The following TACC2 variants were observed in gnomAD, a reference collection of about 807,000 sequenced individuals.
The protein encoded by TACC2 is transforming acidic coiled-coil containing protein 2.
A neutral mutation model predicts 227.3 loss-of-function variants in TACC2; 137 were observed. The observed-to-expected ratio is 0.60, with a 90% CI of 0.52 to 0.69. The LOEUF is 0.69. Among genes scored for constraint, TACC2 ranks in the 30% least tolerant of loss-of-function variants. TACC2 has a pLI of 0.00. For missense variants in TACC2, 3,470 were observed against 3,694.4 expected, an observed-to-expected ratio of 0.94 and a Z score of 1.57; for synonymous variants, 1,523 against 1,487.5, an observed-to-expected ratio of 1.02 and a Z score of -0.55.
At chr10:122,065,560 C>T (rs979525076) in intron 3 of TACC2, among the ~76,000 whole-genome samples, 1 of 151,988 alleles carries the variant, frequency 6.6e-6, no homozygotes, top group African/African-American at 2.4e-5. Context: ...CGTGTTCCAT[C>T]TGTACTTGAA....
intron 9 of TACC2, 97 bp downstream of exon 9, chr10:122,211,805 C>G: frequency 9.1e-7 from 1 of 1,104,780 alleles, no homozygotes; most frequent in Non-Finnish European, 1.3e-6. Flanking sequence ...ACTGCCCTAA[C>G]CTTGCCCCTG....
intron 7 of TACC2, among the ~76,000 whole-genome samples, chr10:122,158,457 ACT>A (rs2092627291): frequency 6.6e-6 from 1 of 152,166 alleles, no homozygotes; most frequent in Non-Finnish European, 1.5e-5. Flanking sequence ...ATCTGTGTTT[ACT>A]GACTTCTTTT....
rs746165255 is a variant in TACC2, at chr10:122,211,651, G to C, written c.7226G>C (p.Gly2409Ala). 25 of 1,604,940 alleles carry C rather than the reference G, an allele frequency of 1.6e-5. No individual in the cohort carries two copies. The highest frequency in any genetic ancestry group is 2.1e-5 in the Non-Finnish European group (25 of 1,176,572). Residue 2409 changes from glycine (G) to alanine (A), a missense_variant, in exon 9 of 23, where the codon GGA becomes GCA. Gly to Ala is a moderately conservative substitution (Grantham distance 60). This residue lies in a region of TACC2 where 593 missense variants were observed against 636.6 expected (regional missense o/e 0.93). Transcript: ENST00000369005. ...CCAGCCAGTGCTATGGAAGCCAATG[G>C]AGTGGACGGGGATGGGCTAAACAAG... is the stretch of plus-strand genomic sequence containing the variant. ...EIPASAMEANGVDGDGLNKPA... is the reference protein window; with the variant it reads ...EIPASAMEANAVDGDGLNKPA...
intron 3 of TACC2, among the ~76,000 whole-genome samples, chr10:122,071,946 T>C (rs965994321): frequency 1.4e-5 from 2 of 147,952 alleles, no homozygotes; most frequent in Non-Finnish European, 3.0e-5. Context: ...TTAATCCACA[T>C]CCGCATACAC....
Position 122,050,453 on chromosome 10 carries a change from C to G in TACC2, c.49C>G (p.Gln17Glu). Reference sequence around the variant, plus strand: ...CCTGGCTCAGAGGACTTTATCAGCTCAGACTCCAAGGTCCGCGCAGCCACC... The same window carrying G: ...CCTGGCTCAGAGGACTTTATCAGCTGAGACTCCAAGGTCCGCGCAGCCACC... ...TSDNQRTLSA[Q>E]TPRSAQPPGN... The change falls in exon 3 of 23, where the codon CAG (glutamine) becomes GAG (glutamate). Residue 17 changes from glutamine (Q) to glutamate (E), a missense_variant. Gln to Glu is a conservative substitution (Grantham distance 29, BLOSUM62 2). Around this residue, in one of 10 missense-constraint regions of TACC2, gnomAD observed 405 missense variants for 389.6 expected, o/e 1.04. Coordinates refer to ENST00000369005, the MANE Select transcript of TACC2 (RefSeq NM_206862.4). This position sits in a 1 kb window ranked among gnomAD's most constrained non-coding sequence, Gnocchi z 4.6. The G allele has an allele frequency of 6.2e-7, 1 of 1,613,988 alleles. No individual in the cohort carries two copies. The highest frequency in any genetic ancestry group is 8.5e-7 in the Non-Finnish European group (1 of 1,179,956).
At chr10:121,998,590 C>T (rs937520976) in intron 1 of TACC2, among the ~76,000 whole-genome samples, 1 of 152,102 alleles carries the variant, frequency 6.6e-6, no homozygotes, top group Non-Finnish European at 1.5e-5. Context: ...TGTTTAAAAT[C>T]GACACAGTGG....
intron 3 of TACC2, among the ~76,000 whole-genome samples, chr10:122,060,009 G>A (rs1339715702): frequency 1.3e-5 from 2 of 152,198 alleles, no homozygotes; most frequent in Non-Finnish European, 2.9e-5. Flanking sequence ...TAGATGGCCA[G>A]AGAAGGAGGT....
rs747341499 is a variant in TACC2 at position 122,254,139 on chromosome 10, G to A, written c.*83G>A. ...GCTGTTCCTCCAGTTCCATGGACAGGTTCTGTTTTCACTTTTTCGTATGCA... is the reference window on the plus strand; with the variant it reads ...GCTGTTCCTCCAGTTCCATGGACAGATTCTGTTTTCACTTTTTCGTATGCA... On this transcript the variant is annotated 3_prime_UTR_variant, in exon 23 of 23. Coordinates refer to ENST00000369005, the MANE Select transcript of TACC2 (RefSeq NM_206862.4). The A allele has an allele frequency of 7.5e-6, 9 of 1,200,182 alleles. No individual in the cohort carries two copies. The highest frequency in any genetic ancestry group is 1.0e-5 in the Non-Finnish European group (8 of 802,672). 74.3% of individuals were successfully genotyped at this position (1,200,182 alleles called of 1,614,324 possible).
At chr10:122,053,035 T>A (rs555115891) in intron 3 of TACC2, among the ~76,000 whole-genome samples, 5 of 152,336 alleles carry the variant, frequency 3.3e-5, no homozygotes, top group East Asian at 3.9e-4. Flanking sequence ...GCATTTTTTT[T>A]AAAACCTATT....
At position 122,050,651 on chromosome 10, in the gene TACC2, CT is replaced by C; in HGVS notation, c.146+103del. ...CCCCATTTGCTTTGGAAACTGGACC[CT>C]TAGACACATGGTATCGTCCTCAGTG... On this transcript the variant is annotated intron_variant, in intron 3 of 22. Coordinates refer to ENST00000369005, the MANE Select transcript of TACC2 (RefSeq NM_206862.4). This position sits in a 1 kb window ranked among gnomAD's most constrained non-coding sequence, Gnocchi z 4.6. 1.2e-6 allele frequency: 1 copy of C among 863,910 alleles called. No homozygotes were observed. The highest frequency in any genetic ancestry group is 1.9e-6 in the Non-Finnish European group (1 of 537,774). 53.5% of individuals were successfully genotyped at this position (863,910 alleles called of 1,614,324 possible). A position where few individuals can be genotyped will look rare whatever the true frequency, so the allele number is the denominator to read the frequency against.
intron 5 of TACC2, among the ~76,000 whole-genome samples, chr10:122,115,878 T>C (rs2138207039): frequency 6.6e-6 from 1 of 152,210 alleles, no homozygotes; most frequent in East Asian, 1.9e-4. Context: ...AGGAGGTGGT[T>C]TAGGAAGCTG....
chr10:122,118,069 A>T lies in TACC2; in HGVS notation c.5574-14540A>T, dbSNP rs186006209. The stretch of plus-strand genomic sequence containing the variant: ...TACTCTGTTGTCCGGGCTGGAGTGC[A>T]GTGGTGCCATCTCAGCTCACGGCAA... On this transcript the variant is annotated intron_variant, in intron 5 of 22. Coordinates refer to ENST00000369005, the MANE Select transcript of TACC2 (RefSeq NM_206862.4). Among the ~76,000 whole-genome samples the T allele has an allele frequency of 2.0e-3, 295 of 144,240 alleles. No individual in the cohort carries two copies. The Middle Eastern group carries it at 0.029, about 14-fold the overall frequency. The allele number at this position is 144,240 out of a possible 152,430, so 94.6% of individuals were successfully genotyped here. A position where few individuals can be genotyped will look rare whatever the true frequency, so the allele number is the denominator to read the frequency against.
intron 7 of TACC2, among the ~76,000 whole-genome samples, chr10:122,153,127 A>C (rs1809178916): frequency 6.6e-6 from 1 of 151,558 alleles, no homozygotes; most frequent in Non-Finnish European, 1.5e-5. Flanking sequence ...TCTTGAGTAG[A>C]TGGGATTACA....
chr10:122,143,121 T>G (rs2090876729), intron 6 of TACC2, among the ~76,000 whole-genome samples: 1 of 152,206 alleles, frequency 6.6e-6, no homozygotes, highest in Non-Finnish European at 1.5e-5. Context: ...CCTTTTCCCC[T>G]GGATTTTTCT....
At chr10:122,164,687 T>C (rs959890383) in intron 7 of TACC2, among the ~76,000 whole-genome samples, 2 of 152,214 alleles carry the variant, frequency 1.3e-5, no homozygotes, top group African/African-American at 4.8e-5. Context: ...CTCCATTACC[T>C]ACCCAGGCAT....
Position 122,210,261 on chromosome 10 carries a change from A to G in TACC2, c.5972-136A>G, listed in dbSNP as rs2095257752. On this transcript the variant is annotated intron_variant, in intron 8 of 22. Transcript: ENST00000369005. The surrounding 1 kb of genome is among the most constrained non-coding windows in gnomAD (Gnocchi z 4.6). ...GTCAGGTTCTGTACCCAAGTAGTAC[A>G]CACAGTGATGGGCGGGGTGGCCTGG... The G allele has an allele frequency of 1.4e-6, 1 of 712,700 alleles. No homozygotes were observed. Among genetic ancestry groups the G allele is most frequent in the African/African-American group, 1.8e-5 (1 of 56,828 alleles). The allele number at this position is 712,700 out of a possible 1,614,324, so 44.1% of individuals were successfully genotyped here.
intron 2 of TACC2, among the ~76,000 whole-genome samples, chr10:122,038,149 A>C (rs965190668): frequency 6.6e-6 from 1 of 152,000 alleles, no homozygotes; most frequent in East Asian, 1.9e-4. Flanking sequence ...GGTCCCAGCT[A>C]TTTGGGAGGC....
At chr10:122,246,587 C>T (rs1044076483) in intron 19 of TACC2, 5 of 152,264 alleles carry the variant, frequency 3.3e-5, no homozygotes, top group African/African-American at 7.2e-5. Context: ...CTTAGCTTCT[C>T]AAACCCTCTG....
intron 5 of TACC2, among the ~76,000 whole-genome samples, chr10:122,099,291 G>A (rs1426558890): frequency 6.6e-6 from 1 of 152,244 alleles, no homozygotes; most frequent in Non-Finnish European, 1.5e-5. Flanking sequence ...ATTTGGAGCA[G>A]AGTGTGAGTG....
Sources: gnomAD v4.1 joint callset for allele counts (sites outside exome capture counted in the v4.1 genomes callset) on GRCh38, gnomAD v4.1.1 for gene constraint, gnomAD v4.1.1 regional missense constraint, Gnocchi (gnomAD v3.1) non-coding constraint, MANE v1.5 for transcripts, NCBI Gene and HGNC (gene_info 2026-07-23, HGNC 2026-07-21) for gene names.